CCNY: variants seen among roughly 807,000 people sequenced by gnomAD.
CCNY encodes cyclin-Y.
In CCNY, 19 loss-of-function variants were observed where a neutral mutation model predicts 42.8. The ratio of observed to expected loss-of-function variants is 0.44; its 90% CI spans 0.31 to 0.65. The LOEUF is 0.65. Ranked by LOEUF, CCNY falls within the 30% of genes least tolerant of loss-of-function variation. The pLI is 0.07. For missense variants in CCNY, 370 were observed against 437.3 expected (o/e 0.85, Z 1.37); for synonymous variants, 165 against 162.7 (o/e 1.01, Z -0.11).
chr10:35,460,638 G>C (rs1321431594), intron 1 of CCNY, among the ~76,000 whole-genome samples: 1 of 152,200 alleles, frequency 6.6e-6, no homozygotes, highest in Non-Finnish European at 1.5e-5. Flanking sequence ...TTTAGCAGGA[G>C]CTCAGAGGAA....
chr10:35,382,568 G>A (rs1837211297), intron 1 of CCNY, among the ~76,000 whole-genome samples: 1 of 152,148 alleles, frequency 6.6e-6, no homozygotes, highest in South Asian at 2.1e-4. Flanking sequence ...GATGGGGGCT[G>A]CTATTGGCAT....
chr10:35,373,969 T>C (rs970856309), intron 1 of CCNY, among the ~76,000 whole-genome samples: 2 of 151,568 alleles, frequency 1.3e-5, no homozygotes, highest in Admixed American at 6.6e-5. Flanking sequence ...TTCATGTTAA[T>C]TGCATAGAAG....
intron 1 of CCNY, among the ~76,000 whole-genome samples, chr10:35,341,396 C>G (rs1836178955): frequency 6.6e-6 from 1 of 152,206 alleles, no homozygotes; most frequent in African/African-American, 2.4e-5. Context: ...CTGGCAATCC[C>G]AATGCATATT....
At chr10:35,467,234 T>G (rs1839288573) in intron 1 of CCNY, among the ~76,000 whole-genome samples, 1 of 152,270 alleles carries the variant, frequency 6.6e-6, no homozygotes, top group Non-Finnish European at 1.5e-5. Context: ...ACACATCTTT[T>G]GTTAAATTTA....
chr10:35,340,233 A>G (rs140678367), intron 1 of CCNY, among the ~76,000 whole-genome samples: 22 of 152,290 alleles, frequency 1.4e-4, no homozygotes, highest in African/African-American at 5.3e-4. Context: ...TTAGCCATCA[A>G]ACGTTAGCTA....
At chr10:35,529,871 C>CAA (rs78722884) in intron 5 of CCNY, 102 bp from the exon 6 acceptor site, 1,728 of 964,552 alleles carry the variant, frequency 1.8e-3, no homozygotes, top group Non-Finnish European at 2.1e-3. Flanking sequence ...CTCCGTATCC[C>CAA]AAAAAAAAAA....
intron 1 of CCNY, among the ~76,000 whole-genome samples, chr10:35,453,348 T>C (rs917402238): frequency 6.6e-6 from 1 of 152,246 alleles, no homozygotes; most frequent in African/African-American, 2.4e-5. Context: ...TTTTGATCAC[T>C]ACATAATTTT....
intron 1 of CCNY, among the ~76,000 whole-genome samples, chr10:35,396,928 C>T (rs1319431813): frequency 6.6e-6 from 1 of 152,200 alleles, no homozygotes; most frequent in African/African-American, 2.4e-5. Context: ...ATAATCCCAT[C>T]TCCTGTTGGG....
chr10:35,443,832 C>G (rs1016707247), intron 1 of CCNY, among the ~76,000 whole-genome samples: 18 of 152,314 alleles, frequency 1.2e-4, no homozygotes, highest in Middle Eastern at 3.4e-3. Context: ...CAGCATTCCA[C>G]AAGTTACTTC....
intron 3 of CCNY, among the ~76,000 whole-genome samples, chr10:35,306,432 G>T (rs1188183330): frequency 6.6e-6 from 1 of 152,212 alleles, no homozygotes; most frequent in Non-Finnish European, 1.5e-5. Flanking sequence ...CATGCCACTT[G>T]AGGGAGGCCT....
intron 3 of CCNY, among the ~76,000 whole-genome samples, chr10:35,508,666 T>C (rs1035476520): frequency 6.6e-6 from 1 of 152,204 alleles, no homozygotes; most frequent in African/African-American, 2.4e-5. Context: ...AAATTTCCCA[T>C]TCCAGTCTAT....
chr10:35,330,603 C>T (rs1443420201), intron 3 of CCNY, among the ~76,000 whole-genome samples: 2 of 152,192 alleles, frequency 1.3e-5, no homozygotes, highest in East Asian at 1.9e-4. Flanking sequence ...GATTTATACA[C>T]ACAGTTTATT....
Position 35,448,559 on chromosome 10 carries a change from T to C in CCNY, c.155-34845T>C, listed in dbSNP as rs186922317. Among the ~76,000 whole-genome samples, 275 of 152,306 alleles carry C rather than the reference T, an allele frequency of 1.8e-3. 3 individuals carry two copies. The highest frequency in any genetic ancestry group is 6.2e-3 in the African/African-American group (257 of 41,560). On this transcript the variant is annotated intron_variant, in intron 1 of 9. Coordinates refer to ENST00000374704, the MANE Select transcript of CCNY (RefSeq NM_145012.6). ...GTGTTAGGTATTAGGACAGTGCTTA[T>C]ATAAAGGGATGTTATGGTGTTACTG...
chr10:35,253,209 T>TA (rs2095713140), intron 3 of CCNY, among the ~76,000 whole-genome samples: 1 of 152,198 alleles, frequency 6.6e-6, no homozygotes, highest in Non-Finnish European at 1.5e-5. Context: ...CCTTGAATTT[T>TA]AAAAAAACTT....
intron 2 of CCNY, among the ~76,000 whole-genome samples, chr10:35,485,216 A>G (rs1481964481): frequency 6.6e-6 from 1 of 152,170 alleles, no homozygotes; most frequent in Admixed American, 6.5e-5. Context: ...TCTTCCTCCT[A>G]TCCCTGCCAT....
At chr10:35,486,539 C>T (rs998937384) in intron 2 of CCNY, among the ~76,000 whole-genome samples, 1 of 152,208 alleles carries the variant, frequency 6.6e-6, no homozygotes, top group East Asian at 1.9e-4. Context: ...CCTTATCCCT[C>T]TCTAGTCCCT....
intron 1 of CCNY, among the ~76,000 whole-genome samples, chr10:35,342,129 G>C (rs1159341028): frequency 1.3e-5 from 2 of 152,190 alleles, no homozygotes; most frequent in Non-Finnish European, 2.9e-5. Flanking sequence ...CCAAGCAGCG[G>C]AGGGATAACT....
chr10:35,330,665 C>T (rs1339971014), intron 3 of CCNY, among the ~76,000 whole-genome samples: 1 of 152,140 alleles, frequency 6.6e-6, no homozygotes. Flanking sequence ...TTCATGGCTT[C>T]TATCTTCAAG....
intron 8 of CCNY, among the ~76,000 whole-genome samples, chr10:35,562,406 A>T (rs1034887425): frequency 8.7e-4 from 132 of 152,344 alleles, no homozygotes; most frequent in Middle Eastern, 3.4e-3. Context: ...CATTACCACC[A>T]TCCATCTCTA....
Sources: gnomAD v4.1 joint callset for allele counts (sites outside exome capture counted in the v4.1 genomes callset) on GRCh38, gnomAD v4.1.1 for gene constraint, MANE v1.5 for transcripts, NCBI Gene and HGNC (gene_info 2026-07-23, HGNC 2026-07-21) for gene names.